FNDC1: variants seen among roughly 807,000 people sequenced by gnomAD.
FNDC1 encodes the protein fibronectin type III domain containing 1.
Under a neutral mutation model 168.0 loss-of-function variants are expected in FNDC1, and 96 were observed. That is an observed-to-expected ratio of 0.57 (90% confidence interval 0.48 to 0.68). The LOEUF is 0.68. Ranked by LOEUF, FNDC1 falls within the 30% of genes least tolerant of loss-of-function variation. The pLI, the probability that FNDC1 is intolerant of heterozygous loss-of-function variation, is 0.00. For missense variants in FNDC1, 2,587 were observed against 2,482.1 expected, an observed-to-expected ratio of 1.04 and a Z score of -0.90; for synonymous variants, 1,099 against 1,025.9, an observed-to-expected ratio of 1.07 and a Z score of -1.36.
At chr6:159,209,795 C>A (rs1782560605) in intron 4 of FNDC1, among the ~76,000 whole-genome samples, 1 of 152,154 alleles carries the variant, frequency 6.6e-6, no homozygotes, top group South Asian at 2.1e-4. Context: ...CTTTTTCTTT[C>A]TCTTTTTCAT....
intron 1 of FNDC1, among the ~76,000 whole-genome samples, chr6:159,178,472 A>G (rs1781813170): frequency 1.3e-5 from 2 of 152,142 alleles, no homozygotes; most frequent in African/African-American, 4.8e-5. Flanking sequence ...GCATTTGCAT[A>G]GCTGTAGTGC....
rs747650766 is a variant in FNDC1, at chr6:159,197,473, C to T, written c.152C>T (p.Thr51Ile). ...CCAAGGCATGTGAAACTGCTGTCCACTAAAATGGGCCTGAAAGTCACGTGG... is the reference window on the plus strand; with the variant it reads ...CCAAGGCATGTGAAACTGCTGTCCATTAAAATGGGCCTGAAAGTCACGTGG... ...LKPRHVKLLS[T>I]KMGLKVTWDP... is the part of the protein sequence containing the mutation. Residue 51 changes from threonine (T) to isoleucine (I), a missense_variant, in exon 2 of 23, where the codon ACT becomes ATT. By Grantham distance (89) the Thr-to-Ile change is moderately conservative. Coordinates refer to ENST00000297267, the MANE Select transcript of FNDC1 (RefSeq NM_032532.3). 4.3e-6 allele frequency: 7 copies of T among 1,613,712 alleles called. No individual in the cohort carries two copies. The Admixed American group carries it at 6.7e-5, about 15-fold the overall frequency.
intron 14 of FNDC1, chr6:159,240,761 C>T (rs541218368): frequency 9.8e-5 from 15 of 152,330 alleles, no homozygotes; most frequent in African/African-American, 3.4e-4. Context: ...CTTTTCTGCT[C>T]AGTCCCCTGC....
At chr6:159,228,824 C>T (rs1783013893) in intron 9 of FNDC1, among the ~76,000 whole-genome samples, 1 of 152,116 alleles carries the variant, frequency 6.6e-6, no homozygotes, top group South Asian at 2.1e-4. Flanking sequence ...CACAGGCACA[C>T]ACCACCATCA....
In FNDC1 at chr6:159,233,437, C is replaced by A; in HGVS notation, c.2925C>A (p.His975Gln). 2 of 1,610,530 alleles carry A rather than the reference C, an allele frequency of 1.2e-6. No individual in the cohort carries two copies. Reference sequence around the variant, plus strand: ...CACAGCCAGGGTCCACAGACCGCCACGCGTCCCCTGCTCGTCCGCCCGCAG... The same window carrying A: ...CACAGCCAGGGTCCACAGACCGCCAAGCGTCCCCTGCTCGTCCGCCCGCAG... The part of the protein sequence containing the change: ...PKAQPGSTDR[H>Q]ASPARPPAAR... The change falls in exon 11 of 23, where the codon CAC (histidine) becomes CAA (glutamine). Residue 975 changes from histidine (H) to glutamine (Q), a missense_variant. Transcript: ENST00000297267. The surrounding 1 kb of genome is among the most constrained non-coding windows in gnomAD (Gnocchi z 4.6).
At chr6:159,239,438 GAA>G in intron 13 of FNDC1, 77 bp from the exon 14 acceptor site, 1 of 1,258,974 alleles carries the variant, frequency 7.9e-7, no homozygotes, top group Non-Finnish European at 1.1e-6. Context: ...TAAGCTTTGA[GAA>G]GACACTTATT....
chr6:159,269,478 CTATCTATCTATCT>C lies in FNDC1; in HGVS notation c.5569+1553_5569+1565del, dbSNP rs1562316009. 1.5e-3 allele frequency among the ~76,000 whole-genome samples: 218 copies of C among 143,266 alleles called. 1 individual carries two copies. The highest frequency in any genetic ancestry group is 2.4e-3 in the Non-Finnish European group (162 of 66,178). 94.0% of individuals were successfully genotyped at this position (143,266 alleles called of 152,430 possible). ...CACATCTATCTATCTATCTATCTAT[CTATCTATCTATCT>C]ATCTATCTATCCATCCATCCATGCA... On this transcript the variant is annotated intron_variant, in intron 22 of 22. Transcript: ENST00000297267.
intron 11 of FNDC1, 131 bp downstream of exon 11, chr6:159,234,610 T>C: frequency 3.5e-6 from 3 of 854,974 alleles, no homozygotes; most frequent in Non-Finnish European, 5.4e-6. Flanking sequence ...TTTGCACATG[T>C]GACATAATTT....
intron 9 of FNDC1, among the ~76,000 whole-genome samples, chr6:159,227,233 G>A (rs1462454491): frequency 6.6e-6 from 1 of 152,170 alleles, no homozygotes; most frequent in Non-Finnish European, 1.5e-5. Context: ...GAACCTCTCA[G>A]AATCTGTTTG....
intron 7 of FNDC1, among the ~76,000 whole-genome samples, 161 bp from the exon 8 acceptor site, chr6:159,225,374 A>T (rs1782930171): frequency 1.3e-5 from 2 of 152,164 alleles, no homozygotes; most frequent in African/African-American, 4.8e-5. Context: ...TTTGCTTGGA[A>T]CTTTGAGCCA....
Position 159,264,996 on chromosome 6 carries a change from G to A in FNDC1, c.5276G>A (p.Arg1759Lys). 2 of 1,606,064 alleles carry A rather than the reference G, an allele frequency of 1.2e-6. No homozygotes were observed. The highest frequency in any genetic ancestry group is 1.7e-6 in the Non-Finnish European group (2 of 1,175,452). ...TESDNPLLVV[R>K]PPGGEPIWIP... ...ACAGATAATCCTCTGCTTGTTGTGAGGCCCCCAGGTAAGTTTATGTTCTTG... is the reference window on the plus strand; with the variant it reads ...ACAGATAATCCTCTGCTTGTTGTGAAGCCCCCAGGTAAGTTTATGTTCTTG... Residue 1759 changes from arginine (R) to lysine (K), a missense_variant, in exon 20 of 23, where the codon AGG (arginine) becomes AAG (lysine). Arg to Lys is a conservative substitution (Grantham distance 26). Coordinates refer to ENST00000297267, the MANE Select transcript of FNDC1 (RefSeq NM_032532.3).
Position 159,229,832 on chromosome 6 carries a change from G to T in FNDC1, c.1198G>T (p.Ala400Ser), listed in dbSNP as rs776356434. Reference protein sequence around the residue: ...GKVKEYILSYAPALKPFGAKS... With the variant: ...GKVKEYILSYSPALKPFGAKS... Reference sequence around the variant, plus strand: ...CATTTCAGAATACATTCTTTCATACGCCCCGGCTCTCAAACCATTTGGAGC... The same window carrying T: ...CATTTCAGAATACATTCTTTCATACTCCCCGGCTCTCAAACCATTTGGAGC... Residue 400 changes from alanine (A) to serine (S), a missense_variant, in exon 10 of 23, where the codon GCC (alanine) becomes TCC (serine). Coordinates refer to ENST00000297267, the MANE Select transcript of FNDC1 (RefSeq NM_032532.3). The T allele has an allele frequency of 1.2e-6, 2 of 1,611,532 alleles. No individual in the cohort carries two copies. The highest frequency in any genetic ancestry group is 2.2e-5 in the East Asian group (1 of 44,808).
rs1465028522 is a variant in FNDC1 at position 159,265,019 on chromosome 6, T to C, written c.5284+15T>C. The C allele has an allele frequency of 3.1e-6, 5 of 1,598,130 alleles. No homozygotes were observed. The African/African-American group carries it at 5.4e-5, about 17-fold the overall frequency. ...GAGGCCCCCAGGTAAGTTTATGTTCTTGATAATCTGGACATTCTGGTAATC... is the reference window on the plus strand; with the variant it reads ...GAGGCCCCCAGGTAAGTTTATGTTCCTGATAATCTGGACATTCTGGTAATC... On this transcript the variant is annotated intron_variant, in intron 20 of 22. Coordinates refer to ENST00000297267, the MANE Select transcript of FNDC1 (RefSeq NM_032532.3).
intron 7 of FNDC1, among the ~76,000 whole-genome samples, chr6:159,224,647 A>G (rs1782914522): frequency 6.6e-6 from 1 of 152,178 alleles, no homozygotes; most frequent in South Asian, 2.1e-4. Flanking sequence ...TTACCATTGG[A>G]CTTTGATTTC....
In FNDC1 at chr6:159,229,096, T is replaced by C. The variant is rs560070207; in HGVS notation, c.1181-719T>C. ...AATATTATTCCCTTATGTTATAACA[T>C]TTCCATGTGAGCATAAACATATTTT... On this transcript the variant is annotated intron_variant, in intron 9 of 22. Coordinates refer to ENST00000297267, the MANE Select transcript of FNDC1 (RefSeq NM_032532.3). Among the ~76,000 whole-genome samples the C allele has an allele frequency of 2.0e-3, 310 of 152,354 alleles. 1 individual carries two copies. The highest frequency in any genetic ancestry group is 7.1e-3 in the African/African-American group (297 of 41,578).
chr6:159,220,454 T>A (rs1782799031), intron 5 of FNDC1, among the ~76,000 whole-genome samples: 1 of 152,164 alleles, frequency 6.6e-6, no homozygotes, highest in African/African-American at 2.4e-5. Context: ...TTGAAAAGAT[T>A]AAAGCTGCAA....
intron 1 of FNDC1, among the ~76,000 whole-genome samples, chr6:159,174,229 G>T (rs1365563013): frequency 6.6e-6 from 1 of 152,224 alleles, no homozygotes; most frequent in East Asian, 1.9e-4. Context: ...GAGCTGGGTC[G>T]CTGGGGGACA....
chr6:159,241,224 G>C (rs1166993695), intron 14 of FNDC1: 1 of 152,196 alleles, frequency 6.6e-6, no homozygotes, highest in African/African-American at 2.4e-5. Context: ...ATGCATTAAT[G>C]TGTTTAATTT....
At chr6:159,171,352 T>C (rs1781653630) in intron 1 of FNDC1, among the ~76,000 whole-genome samples, 1 of 152,204 alleles carries the variant, frequency 6.6e-6, no homozygotes. Flanking sequence ...GAAACAGACA[T>C]AGCAACCTGT....
Sources: allele counts gnomAD v4.1 joint callset (sites outside exome capture counted in the v4.1 genomes callset), GRCh38; gene constraint gnomAD v4.1.1; non-coding constraint Gnocchi (gnomAD v3.1); transcripts MANE v1.5; gene names NCBI Gene and HGNC (gene_info 2026-07-23, HGNC 2026-07-21).